The following UVSSA variants were observed in gnomAD, a reference collection of about 807,000 sequenced individuals.
UVSSA encodes UV-stimulated scaffold protein A.
UVSSA carries 72 observed loss-of-function variants against 73.9 expected under a neutral mutation model. The ratio of observed to expected loss-of-function variants is 0.97; its 90% CI spans 0.81 to 1.19. The LOEUF is 1.19. UVSSA is among the 50% of genes most tolerant of loss of function. UVSSA has a pLI of 0.00. For synonymous variants in UVSSA, 454 were observed against 391.3 expected (o/e 1.16, Z -1.89); for missense variants, 1,150 against 965.0 (o/e 1.19, Z -2.54).
intron 1 of UVSSA, 102 bp downstream of exon 1, chr4:1,347,862 G>A (rs534793595): frequency 7.5e-5 from 38 of 506,974 alleles, no homozygotes; most frequent in African/African-American, 7.2e-4. Context: ...TCCCACACAC[G>A]GGATTGTAGA....
chr4:1,367,791 G>C (rs1201024026), intron 8 of UVSSA, among the ~76,000 whole-genome samples: 1 of 151,222 alleles, frequency 6.6e-6, no homozygotes, highest in East Asian at 2.0e-4. Context: ...CACTGCGTCA[G>C]ACCCCTTCCC....
chr4:1,395,787 G>T, exon 14 of UVSSA: 2 of 1,614,202 alleles, frequency 1.2e-6, no homozygotes, highest in Non-Finnish European at 8.5e-7. Flanking sequence ...TACTCATGGT[G>T]GCTTTTTAAT....
chr4:1,392,685 G>A (rs1334128872), downstream of UVSSA: 4 of 152,106 alleles, frequency 2.6e-5, no homozygotes, highest in Non-Finnish European at 5.9e-5. Flanking sequence ...GTTTGACTGT[G>A]GTGTGTCTAA....
At chr4:1,395,304 C>T (rs375733350) in exon 14 of UVSSA, 1 of 1,552,404 alleles carries the variant, frequency 6.4e-7, no homozygotes, top group South Asian at 1.1e-5. Context: ...CTCACACGTG[C>T]CCATGTGGAG....
upstream of UVSSA, among the ~76,000 whole-genome samples, chr4:1,344,179 G>T (rs1677688051): frequency 6.6e-6 from 1 of 152,068 alleles, no homozygotes; most frequent in Non-Finnish European, 1.5e-5. Flanking sequence ...GCCTTGGGTG[G>T]TTTTCTTTGT....
At chr4:1,342,027 C>G (rs187140291), upstream of UVSSA, among the ~76,000 whole-genome samples, 1 of 152,176 alleles carries the variant, frequency 6.6e-6, no homozygotes, top group Non-Finnish European at 1.5e-5. Flanking sequence ...CTGGGTTGTT[C>G]CCTATTTGGG....
At chr4:1,367,281 G>T (rs1447167677) in intron 8 of UVSSA, among the ~76,000 whole-genome samples, 1 of 152,190 alleles carries the variant, frequency 6.6e-6, no homozygotes, top group Non-Finnish European at 1.5e-5. Flanking sequence ...GACCCAGGTG[G>T]GTCTACTCTT....
At chr4:1,380,600 CAG>C (rs1405480598) in intron 11 of UVSSA, 1 of 1,475,802 alleles carries the variant, frequency 6.8e-7, no homozygotes, top group Admixed American at 2.0e-5. Context: ...GGGCATGGTG[CAG>C]GGGGGTCGCT....
At chr4:1,368,899 C>T (rs1314970579) in intron 8 of UVSSA, among the ~76,000 whole-genome samples, 1 of 152,284 alleles carries the variant, frequency 6.6e-6, no homozygotes, top group Non-Finnish European at 1.5e-5. Context: ...GCGCCCTCCT[C>T]TGCTGGCTCC....
intron 7 of UVSSA, chr4:1,358,486 T>G (rs1343736017): frequency 6.6e-6 from 1 of 152,276 alleles, no homozygotes; most frequent in Non-Finnish European, 1.5e-5. Flanking sequence ...TCTGAAGTCC[T>G]TGGAGATTTT....
At chr4:1,394,208 C>G in exon 14 of UVSSA, 1 of 543,472 alleles carries the variant, frequency 1.8e-6, no homozygotes, top group Non-Finnish European at 3.2e-6. Flanking sequence ...TTCCATGCCT[C>G]CAGGAGTGTG....
At chr4:1,384,357 C>T (rs1027036389) in intron 13 of UVSSA, 4 of 189,564 alleles carry the variant, frequency 2.1e-5, no homozygotes, top group African/African-American at 4.8e-5. Context: ...GCGGGCAGAA[C>T]GGGGGTCCAC....
chr4:1,361,470 G>A (rs1478875698), intron 7 of UVSSA, among the ~76,000 whole-genome samples: 1 of 152,274 alleles, frequency 6.6e-6, no homozygotes, highest in Non-Finnish European at 1.5e-5. Flanking sequence ...AGAACCTCCA[G>A]GCTCTCGTTT....
At chr4:1,369,120 C>A (rs961227792) in intron 8 of UVSSA, among the ~76,000 whole-genome samples, 1 of 131,022 alleles carries the variant, frequency 7.6e-6, no homozygotes, top group African/African-American at 3.6e-5. Flanking sequence ...TAACCACGTT[C>A]TGCCGTTCTG....
exon 14 of UVSSA, chr4:1,395,183 C>A (rs761272186): frequency 7.0e-7 from 1 of 1,430,154 alleles, no homozygotes. Flanking sequence ...TCACACGTGC[C>A]GATGCGGAGT....
intron 7 of UVSSA, among the ~76,000 whole-genome samples, chr4:1,355,516 C>T (rs2109110982): frequency 6.6e-6 from 1 of 152,350 alleles, no homozygotes; most frequent in South Asian, 2.1e-4. Context: ...TGCGCGCCTC[C>T]AGGAAGCCAC....
upstream of UVSSA, among the ~76,000 whole-genome samples, chr4:1,343,337 C>T (rs1190129488): frequency 6.6e-6 from 1 of 152,118 alleles, no homozygotes; most frequent in African/African-American, 2.4e-5. Context: ...GGCTCTATCC[C>T]TAGAATCTCA....
At chr4:1,380,506 T>G in intron 11 of UVSSA, 1 of 875,556 alleles carries the variant, frequency 1.1e-6, no homozygotes, top group Non-Finnish European at 1.7e-6. Flanking sequence ...TCCTCCATGG[T>G]TGCAGCCCGG....
intron 3 of UVSSA, among the ~76,000 whole-genome samples, chr4:1,350,296 A>G (rs949072716): frequency 6.6e-6 from 1 of 152,046 alleles, no homozygotes; most frequent in African/African-American, 2.4e-5. Flanking sequence ...ACCCACCAGG[A>G]TCTGCCACTG....
Sources: gnomAD v4.1 joint callset for allele counts (sites outside exome capture counted in the v4.1 genomes callset) on GRCh38, gnomAD v4.1.1 for gene constraint, MANE v1.5 for transcripts, NCBI Gene and HGNC (gene_info 2026-07-23, HGNC 2026-07-21) for gene names.